The following ABCC10 variants were observed in gnomAD, a reference collection of about 807,000 sequenced individuals.
ABCC10 encodes the protein ATP binding cassette subfamily C member 10, also known as ATP-binding cassette sub-family C member 10.
ABCC10 carries 110 observed loss-of-function variants against 143.2 expected under a neutral mutation model. The ratio of observed to expected loss-of-function variants is 0.77; its 90% CI spans 0.66 to 0.90. The LOEUF (loss-of-function observed/expected upper bound fraction) is 0.90, where lower values mean the gene tolerates loss of function less well. Among genes scored for constraint, ABCC10 ranks in the 40% least tolerant of loss-of-function variants. ABCC10 has a pLI of 0.00. For synonymous variants in ABCC10, 805 were observed against 846.7 expected, an observed-to-expected ratio of 0.95 and a Z score of 0.85; for missense variants, 1,700 against 1,900.5, an observed-to-expected ratio of 0.89 and a Z score of 1.96.
Position 43,433,051 on chromosome 6 carries a change from G to T in ABCC10, c.1071G>T (p.Gly357=). 1 of 1,614,156 alleles carries T rather than the reference G, an allele frequency of 6.2e-7. No homozygotes were observed. The highest frequency in any genetic ancestry group is 8.5e-7 in the Non-Finnish European group (1 of 1,180,028). ...ATAAGGTAACACTTCAGGCACGGGG[G>T]GCTGTGCTGAACATCCTGTACTGCA... ...EVYKVTLQAR[G]AVLNILYCKA... The change falls in exon 3 of 22, where the codon GGG becomes GGT. Residue 357 remains glycine (G), a synonymous_variant. Coordinates refer to ENST00000372530, the MANE Select transcript of ABCC10 (RefSeq NM_001198934.2).
At chr6:43,439,427 G>A (rs1208600932) in intron 8 of ABCC10, among the ~76,000 whole-genome samples, 1 of 150,854 alleles carries the variant, frequency 6.6e-6, no homozygotes, top group Non-Finnish European at 1.5e-5. Context: ...TTTGAGACAG[G>A]GTCTTTTTTC....
intron 2 of ABCC10, among the ~76,000 whole-genome samples, chr6:43,429,728 A>T (rs1248138110): frequency 6.6e-6 from 1 of 152,166 alleles, no homozygotes; most frequent in Admixed American, 6.5e-5. Context: ...AAAAATACAA[A>T]AAATTGGCCG....
At chr6:43,439,911 A>G (rs561331252) in intron 8 of ABCC10, among the ~76,000 whole-genome samples, 2 of 150,558 alleles carry the variant, frequency 1.3e-5, no homozygotes, top group Admixed American at 1.3e-4. Context: ...CAGTCAAGGT[A>G]GTAAGATATC....
At chr6:43,429,735 G>T (rs1200286279) in intron 2 of ABCC10, among the ~76,000 whole-genome samples, 1 of 152,142 alleles carries the variant, frequency 6.6e-6, no homozygotes, top group Non-Finnish European at 1.5e-5. Flanking sequence ...CAAAAAATTG[G>T]CCGGGCCCAG....
chr6:43,445,703 C>T lies in ABCC10; in HGVS notation c.3135C>T (p.Ile1045=), dbSNP rs1782980940. ...ADDSLPFILN[I]LLANAAGLLG... ...ACAGCCTGCCCTTCATCCTCAACAT[C>T]CTCCTGGCCAACGCGGCAGGCCTGC... Residue 1045 remains isoleucine (I), a synonymous_variant, in exon 15 of 22, where the codon ATC becomes ATT. Transcript: ENST00000372530. 1 of 1,614,238 alleles carries T rather than the reference C, an allele frequency of 6.2e-7. No homozygotes were observed. The highest frequency in any genetic ancestry group is 8.5e-7 in the Non-Finnish European group (1 of 1,180,046).
In ABCC10 at chr6:43,445,960, CA is replaced by C; in HGVS notation, c.3374+19del. 6.2e-7 allele frequency: 1 copy of C among 1,601,360 alleles called. No homozygotes were observed. The highest frequency in any genetic ancestry group is 1.7e-5 in the Admixed American group (1 of 59,302). On this transcript the variant is annotated intron_variant, in intron 15 of 21. Coordinates refer to ENST00000372530, the MANE Select transcript of ABCC10 (RefSeq NM_001198934.2). ...ACCTACAGGTGTGTGAACCAGAGCCCAGGGGGATGAGGTGTTGGGGGGAGAG... is the reference window on the plus strand; with the variant it reads ...ACCTACAGGTGTGTGAACCAGAGCCCGGGGGATGAGGTGTTGGGGGGAGAG...
chr6:43,441,220 A>G (rs991058542), intron 8 of ABCC10, among the ~76,000 whole-genome samples: 5 of 152,136 alleles, frequency 3.3e-5, no homozygotes, highest in Non-Finnish European at 5.9e-5. Context: ...GCTCACGCCT[A>G]TAATCCCAGC....
chr6:43,451,795 C>T (rs1783758712), downstream of ABCC10: 6 of 1,419,052 alleles, frequency 4.2e-6, no homozygotes, highest in East Asian at 5.1e-5. The surrounding 1 kb of genome is among the most constrained non-coding windows in gnomAD (Gnocchi z 4.4). Context: ...ACTAGGAACA[C>T]TTTGGCATGC....
chr6:43,435,825 C>T lies in ABCC10; in HGVS notation c.1683C>T (p.Leu561=). Residue 561 remains leucine, a synonymous_variant, in exon 5 of 22, where the codon CTC becomes CTT. Coordinates refer to ENST00000372530, the MANE Select transcript of ABCC10 (RefSeq NM_001198934.2). ...ACTTCCCTTGGGTGATCAATGGTCT[C>T]CTGGAGGCCAAAGTGTCCTTGGACC... ...LNNFPWVING[L]LEAKVSLDRI... is the part of the protein sequence containing the mutation. 6.2e-7 allele frequency: 1 copy of T among 1,614,192 alleles called. No homozygotes were observed. Among genetic ancestry groups the T allele is most frequent in the Non-Finnish European group, 8.5e-7 (1 of 1,180,032 alleles).
downstream of ABCC10, chr6:43,450,699 G>T (rs749317638): frequency 6.2e-7 from 1 of 1,614,024 alleles, no homozygotes; most frequent in Non-Finnish European, 8.5e-7. The surrounding 1 kb of genome is among the most constrained non-coding windows in gnomAD (Gnocchi z 4.5). Flanking sequence ...CCGGCGCCAG[G>T]CCCTCAGGGT....
Position 43,433,075 on chromosome 6 carries a change from C to T in ABCC10, c.1095C>T (p.Cys365=). Reference sequence around the variant, plus strand: ...GGGCTGTGCTGAACATCCTGTACTGCAAGGCTTTACAGCTGGGGCCCAGCC... The same window carrying T: ...GGGCTGTGCTGAACATCCTGTACTGTAAGGCTTTACAGCTGGGGCCCAGCC... ...ARGAVLNILY[C]KALQLGPSRP... Residue 365 remains cysteine (C), a synonymous_variant, in exon 3 of 22, where the codon TGC becomes TGT. Transcript: ENST00000372530. 4 of 1,614,150 alleles carry T rather than the reference C, an allele frequency of 2.5e-6. No individual in the cohort carries two copies. The highest frequency in any genetic ancestry group is 3.4e-6 in the Non-Finnish European group (4 of 1,180,018).
chr6:43,441,042 G>T (rs1005382076), intron 8 of ABCC10, among the ~76,000 whole-genome samples: 4 of 151,570 alleles, frequency 2.6e-5, no homozygotes, highest in Admixed American at 2.0e-4. Context: ...GGCGGAGGTT[G>T]CAGTGAGCTG....
chr6:43,446,088 T>G lies in ABCC10; in HGVS notation c.3374+146T>G, dbSNP rs993051663. 20 of 1,179,112 alleles carry G rather than the reference T, an allele frequency of 1.7e-5. No individual in the cohort carries two copies. In the Admixed American group the frequency reaches 4.0e-4, roughly 24 times the overall value. The allele number at this position is 1,179,112 out of a possible 1,614,324, so 73.0% of individuals were successfully genotyped here. A position where few individuals can be genotyped will look rare whatever the true frequency, so the allele number is the denominator to read the frequency against. On this transcript the variant is annotated intron_variant, in intron 15 of 21. Coordinates refer to ENST00000372530, the MANE Select transcript of ABCC10 (RefSeq NM_001198934.2). ...GGAGGAAAGCAACAGAAGAAGGAGA[T>G]AGGGAGGCAGAGTGGACCCCCACTT...
At chr6:43,435,391 G>A (rs889199904) in intron 4 of ABCC10, among the ~76,000 whole-genome samples, 1 of 152,114 alleles carries the variant, frequency 6.6e-6, no homozygotes, top group African/African-American at 2.4e-5. Context: ...AAATTAACCA[G>A]GTGTGGTGAT....
In ABCC10 at chr6:43,427,995, C is replaced by A; in HGVS notation, c.17C>A (p.Ala6Asp). The change falls in exon 2 of 22, where the codon GCC (alanine) becomes GAC (aspartate). Residue 6 changes from alanine to aspartate, a missense_variant. Physicochemically the swap from Ala to Asp is moderately radical, Grantham distance 126. Coordinates refer to ENST00000372530, the MANE Select transcript of ABCC10 (RefSeq NM_001198934.2). MERLL[A>D]QLCGSSAAWP... ...GAGGCGTCCATGGAACGACTTCTGG[C>A]CCAGCTGTGCGGCAGCAGCGCAGCG... is the stretch of plus-strand genomic sequence containing the variant. 1 of 1,611,662 alleles carries A rather than the reference C, an allele frequency of 6.2e-7. No individual in the cohort carries two copies. The highest frequency in any genetic ancestry group is 1.1e-5 in the South Asian group (1 of 90,824).
intron 8 of ABCC10, among the ~76,000 whole-genome samples, chr6:43,440,312 C>A (rs1173018529): frequency 1.3e-5 from 2 of 152,138 alleles, no homozygotes; most frequent in Non-Finnish European, 2.9e-5. Flanking sequence ...TTCTTGTGGC[C>A]TCAGGAATGG....
chr6:43,438,940 C>A, intron 8 of ABCC10, 145 bp downstream of exon 8: 1 of 981,534 alleles, frequency 1.0e-6, no homozygotes, highest in East Asian at 2.6e-5. Context: ...TGTGGTCCTC[C>A]CAGAGTGTCC....
At chr6:43,435,198 A>T in intron 4 of ABCC10, 1 of 208,500 alleles carries the variant, frequency 4.8e-6, no homozygotes, top group Non-Finnish European at 9.6e-6. Flanking sequence ...TGGAAATTCT[A>T]AAAAAAAGAC....
intron 3 of ABCC10, 108 bp from the exon 4 acceptor site, chr6:43,434,513 G>A (rs1266222419): frequency 1.1e-5 from 11 of 990,416 alleles, no homozygotes; most frequent in African/African-American, 1.6e-5. Context: ...AGAGTATCTG[G>A]GAGCTTAGAG....
Sources: gnomAD v4.1 joint callset for allele counts (sites outside exome capture counted in the v4.1 genomes callset) on GRCh38, gnomAD v4.1.1 for gene constraint, Gnocchi (gnomAD v3.1) non-coding constraint, MANE v1.5 for transcripts, NCBI Gene and HGNC (gene_info 2026-07-23, HGNC 2026-07-21) for gene names.